CSMD1: variants seen among roughly 807,000 people sequenced by gnomAD.
The protein encoded by CSMD1 is CUB and sushi domain-containing protein 1.
A neutral mutation model predicts 417.5 loss-of-function variants in CSMD1; 213 were observed. The ratio of observed to expected loss-of-function variants is 0.51; its 90% CI spans 0.46 to 0.57. CSMD1 has a LOEUF of 0.57. Among genes scored for constraint, CSMD1 ranks in the 20% least tolerant of loss-of-function variants. The probability of loss-of-function intolerance (pLI) is 0.00; values close to 1 mark genes in which losing one functional copy is unlikely to be tolerated. For synonymous variants in CSMD1, 2,862 were observed against 1,736.8 expected (o/e 1.65, Z -16.11); for missense variants, 6,923 against 4,529.7 (o/e 1.53, Z -15.17).
intron 27 of CSMD1, among the ~76,000 whole-genome samples, chr8:3,228,233 G>C (rs1045365649): frequency 1.3e-5 from 2 of 151,874 alleles, no homozygotes; most frequent in African/African-American, 4.8e-5. Flanking sequence ...CCTTTAATAT[G>C]AAAAAAGGTA....
rs1359153412 is a variant in CSMD1, at chr8:3,965,845, T to C, written c.818+32058A>G. ...TGTTGGCCAGGCCGGTCTTGAACTC[T>C]TGACCTCATACTGTGCCAGCCTTGG... On this transcript the variant is annotated intron_variant, in intron 5 of 69. Coordinates refer to ENST00000635120, the MANE Select transcript of CSMD1 (RefSeq NM_033225.6). 2.0e-5 allele frequency among the ~76,000 whole-genome samples: 3 copies of C among 152,218 alleles called. No homozygotes were observed. The East Asian group carries it at 5.8e-4, about 29-fold the overall frequency.
At chr8:4,083,349 A>G (rs1484263294) in intron 3 of CSMD1, among the ~76,000 whole-genome samples, 1 of 152,086 alleles carries the variant, frequency 6.6e-6, no homozygotes, top group Non-Finnish European at 1.5e-5. Flanking sequence ...TTTGATTTGC[A>G]TTTCTCTGAT....
rs758376662 is a variant in CSMD1, at chr8:3,107,679, C to T, written c.6835+39G>A. On this transcript the variant is annotated intron_variant, in intron 45 of 69. Coordinates refer to ENST00000635120, the MANE Select transcript of CSMD1 (RefSeq NM_033225.6). Reference sequence around the variant, plus strand: ...ATGAGAAGTGGGTGTAAAAAAATGTCGTGCTGAATTCATGGTATTGTAATG... The same window carrying T: ...ATGAGAAGTGGGTGTAAAAAAATGTTGTGCTGAATTCATGGTATTGTAATG... 23 of 1,156,382 alleles carry T rather than the reference C, an allele frequency of 2.0e-5. No homozygotes were observed. In the Admixed American group the frequency reaches 2.6e-4, roughly 13 times the overall value. 71.6% of individuals were successfully genotyped at this position (1,156,382 alleles called of 1,614,324 possible). A position where few individuals can be genotyped will look rare whatever the true frequency, so the allele number is the denominator to read the frequency against.
rs761302228 is a variant in CSMD1 at position 3,586,207 on chromosome 8, G to C, written c.1151C>G (p.Ser384Cys). The change falls in exon 9 of 70, where the codon TCT becomes TGT. Residue 384 changes from serine (S) to cysteine (C), a missense_variant. Physicochemically the swap from Ser to Cys is moderately radical, Grantham distance 112. Coordinates refer to ENST00000635120, the MANE Select transcript of CSMD1 (RefSeq NM_033225.6). ...SCEDNYVLQG[S>C]KSITCQRVTE... is the part of the protein sequence containing the mutation. ...AACTCTCTGACAGGTGATGCTTTTA[G>C]ATCCCTGGAGCACGTAATTGTCCTC... 1.2e-5 allele frequency: 19 copies of C among 1,611,346 alleles called. No individual in the cohort carries two copies. The highest frequency in any genetic ancestry group is 6.7e-5 in the Admixed American group (4 of 59,618).
chr8:3,616,725 G>C lies in CSMD1; in HGVS notation c.1082C>G (p.Ala361Gly). 3 of 1,610,610 alleles carry C rather than the reference G, an allele frequency of 1.9e-6. No individual in the cohort carries two copies. Among genetic ancestry groups the C allele is most frequent in the Non-Finnish European group, 2.5e-6 (3 of 1,177,478 alleles). The change falls in exon 8 of 70, where the codon GCA becomes GGA. Residue 361 changes from alanine to glycine, a missense_variant. By Grantham distance (60) the Ala-to-Gly change is moderately conservative. Coordinates refer to ENST00000635120, the MANE Select transcript of CSMD1 (RefSeq NM_033225.6). ...DPGIPENGRR[A>G]GSDFRVGANV... ...TATCTCTTACCTGAAGTCGGAACCT[G>C]CTCTTCTACCATTTTCTGGAATCCC...
chr8:3,072,792 C>T (rs1813405797), intron 49 of CSMD1, among the ~76,000 whole-genome samples: 1 of 152,104 alleles, frequency 6.6e-6, no homozygotes, highest in Non-Finnish European at 1.5e-5. Context: ...GCACAGCTTG[C>T]CGAATATCTG....
intron 26 of CSMD1, among the ~76,000 whole-genome samples, chr8:3,263,229 C>G (rs542386066): frequency 2.6e-5 from 4 of 152,164 alleles, no homozygotes; most frequent in African/African-American, 9.6e-5. Flanking sequence ...CTCCCGAGTA[C>G]CTGGGATTAC....
chr8:4,941,441 T>G (rs1265822942), intron 1 of CSMD1, among the ~76,000 whole-genome samples: 1 of 152,202 alleles, frequency 6.6e-6, no homozygotes. Context: ...TAGGAAGCCA[T>G]GTTGTACAAC....
At chr8:2,999,715 G>A (rs658297) in intron 53 of CSMD1, among the ~76,000 whole-genome samples, 17,105 of 151,930 alleles carry the variant, frequency 0.11, 2,891 homozygotes, top group African/African-American at 0.37. Context: ...ACAATGAATT[G>A]ATAAGCAAAT....
At chr8:4,245,181 T>C (rs1358974602) in intron 3 of CSMD1, among the ~76,000 whole-genome samples, 1 of 152,200 alleles carries the variant, frequency 6.6e-6, no homozygotes, top group African/African-American at 2.4e-5. Context: ...ATCTTATTAG[T>C]GGCATGCTGT....
Position 4,338,769 on chromosome 8 carries a change from C to T in CSMD1, c.415+81184G>A, listed in dbSNP as rs142986628. 1.6e-3 allele frequency among the ~76,000 whole-genome samples: 240 copies of T among 152,106 alleles called. 4 individuals carry two copies. In the East Asian group the frequency reaches 0.043, roughly 27 times the overall value. ...AAGCGAATATTAAATTCTCCTTGAA[C>T]CCAAATGAATCATATTGATATTAGT... On this transcript the variant is annotated intron_variant, in intron 3 of 69. Transcript: ENST00000635120.
At chr8:3,534,881 C>T (rs1041297940) in intron 10 of CSMD1, among the ~76,000 whole-genome samples, 1 of 152,210 alleles carries the variant, frequency 6.6e-6, no homozygotes, top group Non-Finnish European at 1.5e-5. Context: ...CTGGGAGCTA[C>T]TTGGTACAAA....
intron 3 of CSMD1, among the ~76,000 whole-genome samples, chr8:4,068,571 C>G (rs1021839196): frequency 6.6e-6 from 1 of 152,148 alleles, no homozygotes; most frequent in Non-Finnish European, 1.5e-5. Flanking sequence ...ACTGGACCTT[C>G]TCAAATGAGG....
intron 1 of CSMD1, among the ~76,000 whole-genome samples, chr8:4,648,129 C>G (rs1330193094): frequency 6.6e-6 from 1 of 152,206 alleles, no homozygotes; most frequent in African/African-American, 2.4e-5. Flanking sequence ...GAGATGGCAT[C>G]TCACTGTGGT....
chr8:3,391,561 A>T (rs1008525203), intron 17 of CSMD1, among the ~76,000 whole-genome samples: 3 of 152,200 alleles, frequency 2.0e-5, no homozygotes, highest in African/African-American at 7.2e-5. Flanking sequence ...CTGTCGCTGG[A>T]CACTAACATA....
rs1802159913 is a variant in CSMD1 at position 3,616,767 on chromosome 8, T to C, written c.1040A>G (p.Asp347Gly). ...LSQGGVALVS[D>G]MCPDPGIPEN... ...TGGAATCCCAGGATCTGGACACATG[T>C]CAGAGACCAATGCAACACCTCCTTG... The change falls in exon 8 of 70, where the codon GAC becomes GGC. Residue 347 changes from aspartate (D) to glycine (G), a missense_variant. Transcript: ENST00000635120. The C allele has an allele frequency of 1.2e-6, 2 of 1,612,474 alleles. No homozygotes were observed. The highest frequency in any genetic ancestry group is 1.1e-5 in the South Asian group (1 of 90,988).
At chr8:4,711,869 G>C (rs935774450) in intron 1 of CSMD1, among the ~76,000 whole-genome samples, 27 of 152,284 alleles carry the variant, frequency 1.8e-4, no homozygotes, top group African/African-American at 6.3e-4. Context: ...TAATAAGATG[G>C]TGATGATGGC....
chr8:4,283,216 A>G (rs986436477), intron 3 of CSMD1, among the ~76,000 whole-genome samples: 1 of 152,180 alleles, frequency 6.6e-6, no homozygotes, highest in Non-Finnish European at 1.5e-5. Flanking sequence ...TGATTTTTCT[A>G]AATTTAAAGT....
At chr8:3,915,748 C>T (rs1200743470) in intron 5 of CSMD1, among the ~76,000 whole-genome samples, 1 of 150,066 alleles carries the variant, frequency 6.7e-6, no homozygotes, top group South Asian at 2.2e-4. Flanking sequence ...AAATTATGAA[C>T]TCTCTCGCTT....
Sources: allele counts gnomAD v4.1 joint callset (sites outside exome capture counted in the v4.1 genomes callset), GRCh38; gene constraint gnomAD v4.1.1; transcripts MANE v1.5; gene names NCBI Gene and HGNC (gene_info 2026-07-23, HGNC 2026-07-21).